The following NUP205 variants were observed in gnomAD, a reference collection of about 807,000 sequenced individuals.
NUP205 encodes nucleoporin 205, also known as nuclear pore complex protein Nup205.
Under a neutral mutation model 253.8 loss-of-function variants are expected in NUP205, and 76 were observed. The observed-to-expected ratio is 0.30, with a 90% CI of 0.25 to 0.36. The LOEUF (loss-of-function observed/expected upper bound fraction) is 0.36, where lower values mean the gene tolerates loss of function less well. Among genes scored for constraint, NUP205 ranks in the 10% least tolerant of loss-of-function variants. NUP205 has a pLI of 1.00. For synonymous variants in NUP205, 832 were observed against 850.1 expected (o/e 0.98, Z 0.37); for missense variants, 2,162 against 2,425.5 (o/e 0.89, Z 2.28).
rs1223908526 is a variant in NUP205, at chr7:135,587,659, C to A, written c.1303C>A (p.Leu435Ile). 6.2e-7 allele frequency: 1 copy of A among 1,609,820 alleles called. No individual in the cohort carries two copies. Among genetic ancestry groups the A allele is most frequent in the Non-Finnish European group, 8.5e-7 (1 of 1,177,810 alleles). Residue 435 changes from leucine to isoleucine, a missense_variant, in exon 9 of 43, where the codon CTT (leucine) becomes ATT (isoleucine). Around this residue, in one of 5 missense-constraint regions of NUP205, gnomAD observed 892 missense variants for 957.1 expected, o/e 0.93. Coordinates refer to ENST00000285968, the MANE Select transcript of NUP205 (RefSeq NM_015135.3). ...GATGGGTAATGAACCCCCCATTTCACTTAGAAGGGACCTGGAACACTTAAT... is the reference window on the plus strand; with the variant it reads ...GATGGGTAATGAACCCCCCATTTCAATTAGAAGGGACCTGGAACACTTAAT... ...MQMGNEPPIS[L>I]RRDLEHLMLL...
intron 11 of NUP205, 111 bp downstream of exon 11, chr7:135,591,711 A>T (rs971699355): frequency 3.5e-5 from 31 of 893,740 alleles, no homozygotes; most frequent in Admixed American, 6.1e-5. Context: ...CAGAGGTATA[A>T]ATTATTTTCA....
At chr7:135,613,080 T>C (rs1794277423) in intron 22 of NUP205, among the ~76,000 whole-genome samples, 1 of 148,202 alleles carries the variant, frequency 6.7e-6, no homozygotes, top group Admixed American at 6.7e-5. Flanking sequence ...AGTGAGACCC[T>C]GACTCAAAAA....
chr7:135,581,302 G>T (rs747430708), intron 7 of NUP205, among the ~76,000 whole-genome samples: 1 of 152,192 alleles, frequency 6.6e-6, no homozygotes, highest in Non-Finnish European at 1.5e-5. Flanking sequence ...CCAGCATTTT[G>T]GGAGGCCAAG....
chr7:135,606,762 G>C lies in NUP205; in HGVS notation c.2917G>C (p.Glu973Gln). The change falls in exon 21 of 43, where the codon GAA becomes CAA. Residue 973 changes from glutamate to glutamine, a missense_variant. This residue lies in a region of NUP205 where 1,144 missense variants were observed against 1,280.9 expected (regional missense o/e 0.89). Transcript: ENST00000285968. ...FVRLEEGSELEKKLVAIRHET... is the reference protein window; with the variant it reads ...FVRLEEGSELQKKLVAIRHET... ...ATTTCTGCATTAAGGATCAGAACTT[G>C]AAAAGAAATTAGTTGCAATTCGTCA... The C allele has an allele frequency of 6.2e-7, 1 of 1,613,502 alleles. No individual in the cohort carries two copies. The highest frequency in any genetic ancestry group is 8.5e-7 in the Non-Finnish European group (1 of 1,179,564).
At position 135,644,920 on chromosome 7, in the gene NUP205, G is replaced by A. The variant is rs756121172; in HGVS notation, c.5585G>A (p.Gly1862Asp). The A allele has an allele frequency of 2.0e-5, 32 of 1,614,014 alleles. No individual in the cohort carries two copies. The South Asian group carries it at 3.4e-4, about 17-fold the overall frequency. Residue 1862 changes from glycine to aspartate, a missense_variant, in exon 40 of 43, where the codon GGT (glycine) becomes GAT (aspartate). Gly to Asp is a moderately conservative substitution (Grantham distance 94). Around this residue, in one of 5 missense-constraint regions of NUP205, gnomAD observed 1,144 missense variants for 1,280.9 expected, o/e 0.89. Transcript: ENST00000285968. ...KELCQSVMPA[G>D]VDKISTAQKY... ...TTGTGTCAGTCTGTGATGCCTGCTG[G>A]TGTTGATAAAATCTCCACTGCTCAG...
intron 10 of NUP205, among the ~76,000 whole-genome samples, chr7:135,590,662 A>G (rs1394443409): frequency 6.6e-6 from 1 of 151,670 alleles, no homozygotes; most frequent in African/African-American, 2.4e-5. Flanking sequence ...CCTTTCGAGT[A>G]GTTGGGACTA....
At chr7:135,636,077 A>G (rs988964812) in intron 36 of NUP205, among the ~76,000 whole-genome samples, 2 of 152,050 alleles carry the variant, frequency 1.3e-5, no homozygotes, top group Non-Finnish European at 2.9e-5. Flanking sequence ...CTTGGTTTTT[A>G]TGTACTTATT....
In NUP205 at chr7:135,616,154, T is replaced by C. The variant is rs78081135; in HGVS notation, c.3460+89T>C. The C allele has an allele frequency of 0.041, 49,204 of 1,201,366 alleles. 1,200 individuals are homozygous for C. Among genetic ancestry groups the C allele is most frequent in the Middle Eastern group, 0.066 (257 of 3,890 alleles). The allele number at this position is 1,201,366 out of a possible 1,614,324, so 74.4% of individuals were successfully genotyped here. A position where few individuals can be genotyped will look rare whatever the true frequency, so the allele number is the denominator to read the frequency against. On this transcript the variant is annotated intron_variant, in intron 24 of 42. Transcript: ENST00000285968. ...GAAGCTTGTGCTTAGTATGTGACTA[T>C]AGACCAAAACTATCTTCTCACTTTT...
chr7:135,593,467 A>G (rs1793746005), intron 12 of NUP205, among the ~76,000 whole-genome samples: 1 of 152,198 alleles, frequency 6.6e-6, no homozygotes, highest in African/African-American at 2.4e-5. Flanking sequence ...TGTTGGATGC[A>G]TATGCTTCTA....
chr7:135,557,973 G>C lies in NUP205; in HGVS notation c.28+1G>C. The stretch of plus-strand genomic sequence containing the variant: ...GCGACGCCTTTGGCGGTAAATTCGG[G>C]TAAGTGTGGCCAGACAGAAAGACGA... On this transcript the variant is annotated splice_donor_variant, in intron 1 of 42. Coordinates refer to ENST00000285968, the MANE Select transcript of NUP205 (RefSeq NM_015135.3). LOFTEE classifies it high-confidence loss of function. The C allele has an allele frequency of 6.2e-7, 1 of 1,612,864 alleles. No individual in the cohort carries two copies. The highest frequency in any genetic ancestry group is 8.5e-7 in the Non-Finnish European group (1 of 1,178,826).
At chr7:135,613,662 G>C (rs181878982) in intron 22 of NUP205, 2 of 151,234 alleles carry the variant, frequency 1.3e-5, no homozygotes, top group Admixed American at 1.3e-4. Context: ...TCAGCCTTCC[G>C]AGTAGTTGGG....
rs773282532 is a variant in NUP205, at chr7:135,636,670, A to G, written c.5136+1013A>G. ...ACATAGATAGAACTATTTTGGCAAA[A>G]TAAGTTTATATTATAGTCTCATTAA... On this transcript the variant is annotated intron_variant, in intron 36 of 42. Coordinates refer to ENST00000285968, the MANE Select transcript of NUP205 (RefSeq NM_015135.3). Among the ~76,000 whole-genome samples, 25 of 152,170 alleles carry G rather than the reference A, an allele frequency of 1.6e-4. 1 individual carries two copies. Among genetic ancestry groups the G allele is most frequent in the Non-Finnish European group, 2.2e-4 (15 of 68,030 alleles).
At chr7:135,569,852 T>A (rs559594578) in intron 1 of NUP205, among the ~76,000 whole-genome samples, 4 of 152,018 alleles carry the variant, frequency 2.6e-5, no homozygotes, top group Admixed American at 6.6e-5. Flanking sequence ...CTAAGTTTTA[T>A]AAATTCTGAG....
At position 135,622,865 on chromosome 7, in the gene NUP205, T is replaced by C; in HGVS notation, c.4419T>C (p.Tyr1473=). The C allele has an allele frequency of 2.5e-6, 4 of 1,614,200 alleles. No individual in the cohort carries two copies. The highest frequency in any genetic ancestry group is 3.4e-6 in the Non-Finnish European group (4 of 1,180,014). ...QRENIAIIES[Y]GAALMEVVCR... ...AAAACATAGCCATTATTGAAAGTTA[T>C]GGCGCCGCCCTCATGGAAGTGGTCT... The change falls in exon 31 of 43, where the codon TAT becomes TAC. Residue 1473 remains tyrosine (Y), a synonymous_variant. Transcript: ENST00000285968.
intron 1 of NUP205, among the ~76,000 whole-genome samples, chr7:135,570,044 TATATATATAGAGAGAG>T (rs1451281816): frequency 6.9e-5 from 7 of 101,868 alleles, no homozygotes; most frequent in African/African-American, 1.3e-4. Flanking sequence ...TATATATATA[TATATATATAGAGAGAG>T]AGAGAGAGAG....
At chr7:135,629,417 G>A (rs1316950599) in intron 34 of NUP205, among the ~76,000 whole-genome samples, 1 of 150,362 alleles carries the variant, frequency 6.7e-6, no homozygotes, top group Admixed American at 6.6e-5. Flanking sequence ...AAGGTGGGAG[G>A]ATCACTTTAG....
chr7:135,618,574 C>A lies in NUP205; in HGVS notation c.3934C>A (p.Arg1312Ser). Residue 1312 changes from arginine (R) to serine (S), a missense_variant, in exon 28 of 43, where the codon CGT (arginine) becomes AGT (serine). Physicochemically the swap from Arg to Ser is moderately radical, Grantham distance 110. Around this residue, in one of 5 missense-constraint regions of NUP205, gnomAD observed 1,144 missense variants for 1,280.9 expected, o/e 0.89. Transcript: ENST00000285968. Reference protein sequence around the residue: ...IQAEDRQLIIRDILQDVHDKI... With the variant: ...IQAEDRQLIISDILQDVHDKI... The stretch of plus-strand genomic sequence containing the variant: ...GGCAGAGGATCGACAACTGATTATT[C>A]GTGATATTTTACAAGATGTGCATGA... 2 of 1,607,388 alleles carry A rather than the reference C, an allele frequency of 1.2e-6. No individual in the cohort carries two copies. Among genetic ancestry groups the A allele is most frequent in the South Asian group, 1.1e-5 (1 of 89,998 alleles).
rs538178855 is a variant in NUP205, at chr7:135,646,788, T to C, written c.5886+557T>C. Among the ~76,000 whole-genome samples, 5 of 152,256 alleles carry C rather than the reference T, an allele frequency of 3.3e-5. No individual in the cohort carries two copies. In the South Asian group the frequency reaches 1.0e-3, roughly 32 times the overall value. ...AGCCTCAATTGCTTCATCTAAGAAA[T>C]AGGAGGATTCAACCTCAGAGGGTTT... On this transcript the variant is annotated intron_variant, in intron 42 of 42. Transcript: ENST00000285968.
intron 22 of NUP205, among the ~76,000 whole-genome samples, chr7:135,610,161 A>G (rs1403897984): frequency 1.3e-5 from 2 of 152,236 alleles, no homozygotes; most frequent in Non-Finnish European, 2.9e-5. Context: ...AGAACACTCT[A>G]CTAGCCAAGG....
Sources: gnomAD v4.1 joint callset for allele counts (sites outside exome capture counted in the v4.1 genomes callset) on GRCh38, gnomAD v4.1.1 for gene constraint, gnomAD v4.1.1 regional missense constraint, MANE v1.5 for transcripts, NCBI Gene and HGNC (gene_info 2026-07-23, HGNC 2026-07-21) for gene names.